PRCP: variants seen among roughly 807,000 people sequenced by gnomAD.
PRCP encodes lysosomal Pro-X carboxypeptidase.
A neutral mutation model predicts 54.2 loss-of-function variants in PRCP; 46 were observed. The observed-to-expected ratio is 0.85, with a 90% CI of 0.67 to 1.09. The LOEUF (loss-of-function observed/expected upper bound fraction) is 1.09. Among genes scored for constraint, PRCP ranks in the 50% least tolerant of loss-of-function variants. The pLI is 0.00. For missense variants in PRCP, 613 were observed against 596.8 expected (o/e 1.03, Z -0.28); for synonymous variants, 240 against 212.2 (o/e 1.13, Z -1.14).
At chr11:82,893,266 G>C (rs183870990) in intron 1 of PRCP, among the ~76,000 whole-genome samples, 2 of 152,186 alleles carry the variant, frequency 1.3e-5, no homozygotes, top group Non-Finnish European at 2.9e-5. Context: ...ACAGCCCCCT[G>C]CTCATTCAAT....
At chr11:82,836,894 C>A in intron 8 of PRCP, 1 of 386,720 alleles carries the variant, frequency 2.6e-6, no homozygotes, top group Non-Finnish European at 5.2e-6. Flanking sequence ...GTTCTACAGA[C>A]GGTAATAACC....
At chr11:82,868,407 C>T (rs1419286124) in intron 1 of PRCP, among the ~76,000 whole-genome samples, 1 of 152,036 alleles carries the variant, frequency 6.6e-6, no homozygotes, top group Non-Finnish European at 1.5e-5. Flanking sequence ...GATACAATTC[C>T]ATTTCTCAAG....
chr11:82,838,651 A>C, intron 7 of PRCP, 77 bp from the exon 8 acceptor site: 1 of 1,442,538 alleles, frequency 6.9e-7, no homozygotes, highest in Non-Finnish European at 9.4e-7. Context: ...CAAAGTCATA[A>C]TGCTGGTAAG....
At chr11:82,825,677 ATT>A in intron 8 of PRCP, 1 of 155,920 alleles carries the variant, frequency 6.4e-6, no homozygotes, top group Non-Finnish European at 1.4e-5. Flanking sequence ...AGAAGGCTGC[ATT>A]TTTTATCTAA....
intron 8 of PRCP, chr11:82,828,704 A>G (rs1302126034): frequency 6.6e-6 from 1 of 152,220 alleles, no homozygotes; most frequent in African/African-American, 2.4e-5. Context: ...AGTACAACCT[A>G]TATACAGATG....
intron 1 of PRCP, 76 bp from the exon 2 acceptor site, chr11:82,860,193 T>C: frequency 9.5e-7 from 1 of 1,053,120 alleles, no homozygotes; most frequent in East Asian, 3.1e-5. Flanking sequence ...AATTAATTCT[T>C]CCATTAAAAT....
rs556654947 is a variant in PRCP, at chr11:82,837,015, C to T, written c.1274+1372G>A. 13 of 209,048 alleles carry T rather than the reference C, an allele frequency of 6.2e-5. No homozygotes were observed. In the East Asian group the frequency reaches 2.0e-3, roughly 32 times the overall value. 12.9% of individuals were successfully genotyped at this position (209,048 alleles called of 1,614,324 possible). ...CTCCACCCTTATGAACAGAGTAGTG[C>T]CTCATAAAAGGGCTGGAGGAAACTA... On this transcript the variant is annotated intron_variant, in intron 8 of 8. Coordinates refer to ENST00000313010, the MANE Select transcript of PRCP (RefSeq NM_005040.4).
At chr11:82,835,848 T>G (rs1015655318) in intron 8 of PRCP, 1 of 499,436 alleles carries the variant, frequency 2.0e-6, no homozygotes, top group Non-Finnish European at 4.0e-6. Context: ...GACATTATGC[T>G]TGGCAATAAA....
chr11:82,849,986 T>A lies in PRCP; in HGVS notation c.679A>T (p.Arg227Trp). The change falls in exon 5 of 9, where the codon AGG becomes TGG. Residue 227 changes from arginine to tryptophan, a missense_variant. Arg to Trp is a moderately radical substitution (Grantham distance 101). Coordinates refer to ENST00000313010, the MANE Select transcript of PRCP (RefSeq NM_005040.4). The stretch of plus-strand genomic sequence containing the variant: ...TCTGAACAATGTGGACCGCTTTTCC[T>A]AAAATCTGTAGTTACGATCTTCATA... ...VFMKIVTTDF[R>W]KSGPHCSESI... is the part of the protein sequence containing the mutation. 6.4e-7 allele frequency: 1 copy of A among 1,560,578 alleles called. No individual in the cohort carries two copies. Among genetic ancestry groups the A allele is most frequent in the South Asian group, 1.2e-5 (1 of 83,288 alleles).
rs566198117 is a variant in PRCP, at chr11:82,824,596, T to C, written c.*310A>G. ...AAAGAGAAATCTCTGCTTGCAGAGA[T>C]ACAAAGAAAGTAACTCTCCCTCTTA... On this transcript the variant is annotated 3_prime_UTR_variant, in exon 9 of 9. Coordinates refer to ENST00000313010, the MANE Select transcript of PRCP (RefSeq NM_005040.4). The C allele has an allele frequency of 1.5e-5, 5 of 326,120 alleles. No individual in the cohort carries two copies. The highest frequency in any genetic ancestry group is 2.9e-5 in the Non-Finnish European group (5 of 173,536). 20.2% of individuals were successfully genotyped at this position (326,120 alleles called of 1,614,324 possible).
chr11:82,877,289 A>G (rs567249969), intron 1 of PRCP, among the ~76,000 whole-genome samples: 1 of 152,382 alleles, frequency 6.6e-6, no homozygotes, highest in African/African-American at 2.4e-5. Flanking sequence ...ACGATGCAGT[A>G]GAAAAGAAAA....
At chr11:82,899,729 C>T (rs1860208466) in intron 1 of PRCP, among the ~76,000 whole-genome samples, 2 of 152,134 alleles carry the variant, frequency 1.3e-5, no homozygotes, top group East Asian at 1.9e-4. Context: ...GTCAACAATT[C>T]TTAATAATAG....
chr11:82,877,340 T>C (rs1859629085), intron 1 of PRCP, among the ~76,000 whole-genome samples: 1 of 152,216 alleles, frequency 6.6e-6, no homozygotes, highest in Non-Finnish European at 1.5e-5. Flanking sequence ...CTGCAGAAAT[T>C]GCATAAGTAG....
intron 2 of PRCP, 93 bp from the exon 3 acceptor site, chr11:82,853,371 C>T (rs1356705480): frequency 1.6e-5 from 16 of 973,902 alleles, no homozygotes; most frequent in Non-Finnish European, 1.3e-5. Context: ...GATGTTAAGC[C>T]AGAACAAAAA....
intron 1 of PRCP, among the ~76,000 whole-genome samples, chr11:82,861,243 G>A (rs1488949721): frequency 1.3e-5 from 2 of 152,170 alleles, no homozygotes; most frequent in Non-Finnish European, 2.9e-5. Context: ...AATAGTCCCA[G>A]TTAATAAAGA....
At chr11:82,849,760 C>G (rs990806534) in intron 5 of PRCP, among the ~76,000 whole-genome samples, 154 bp downstream of exon 5, 1 of 152,180 alleles carries the variant, frequency 6.6e-6, no homozygotes. Flanking sequence ...GAAAATTCAT[C>G]AAGCTACGCA....
chr11:82,890,250 G>A (rs74848285), intron 1 of PRCP, among the ~76,000 whole-genome samples: 1 of 152,180 alleles, frequency 6.6e-6, no homozygotes, highest in South Asian at 2.1e-4. Context: ...TTCTCTGCTA[G>A]AGGAGCATTT....
upstream of PRCP, chr11:82,900,635 G>A: frequency 1.5e-6 from 1 of 679,338 alleles, no homozygotes; most frequent in East Asian, 2.9e-5. Context: ...CGTGCCATCT[G>A]CTCCTTAGCA....
chr11:82,857,004 C>T (rs1363925907), intron 2 of PRCP, among the ~76,000 whole-genome samples: 2 of 138,454 alleles, frequency 1.4e-5, no homozygotes, highest in African/African-American at 5.5e-5. Context: ...CACTGCACTC[C>T]AGCCTGGGCG....
Sources: gnomAD v4.1 joint callset for allele counts (sites outside exome capture counted in the v4.1 genomes callset) on GRCh38, gnomAD v4.1.1 for gene constraint, MANE v1.5 for transcripts, NCBI Gene and HGNC (gene_info 2026-07-23, HGNC 2026-07-21) for gene names.